Variants in RPH3A observed in about 807,000 individuals in gnomAD.
The protein encoded by RPH3A is rabphilin 3A, also known as rabphilin-3A.
RPH3A carries 48 observed loss-of-function variants against 102.2 expected under a neutral mutation model. The ratio of observed to expected loss-of-function variants is 0.47; its 90% CI spans 0.37 to 0.60. RPH3A has a LOEUF of 0.60. Ranked by LOEUF, RPH3A falls within the 20% of genes least tolerant of loss-of-function variation. RPH3A has a pLI of 0.00. For missense variants in RPH3A, 781 were observed against 910.1 expected, an observed-to-expected ratio of 0.86 and a Z score of 1.83; for synonymous variants, 310 against 324.3, an observed-to-expected ratio of 0.96 and a Z score of 0.47.
intron 19 of RPH3A, chr12:112,893,230 G>T (rs1371227672): frequency 6.6e-6 from 1 of 151,782 alleles, no homozygotes; most frequent in Non-Finnish European, 1.5e-5. Context: ...ATCAAATAAA[G>T]ATTTTTTAAA....
At chr12:112,869,522 A>G in intron 8 of RPH3A, 1 of 522,030 alleles carries the variant, frequency 1.9e-6, no homozygotes, top group Non-Finnish European at 3.4e-6. Flanking sequence ...AGAAGGCTGT[A>G]TAGCATAATT....
chr12:112,763,367 G>A (rs1310046985), intron 1 of RPH3A, among the ~76,000 whole-genome samples: 1 of 152,240 alleles, frequency 6.6e-6, no homozygotes, highest in East Asian at 1.9e-4. Flanking sequence ...GAGAACATGT[G>A]CCCAAGGTGT....
At chr12:112,840,165 G>A (rs7315593) in intron 4 of RPH3A, among the ~76,000 whole-genome samples, 8 of 151,808 alleles carry the variant, frequency 5.3e-5, no homozygotes, top group Admixed American at 4.6e-4. Flanking sequence ...AATGTTTGTC[G>A]CTTTTTTTCT....
intron 1 of RPH3A, among the ~76,000 whole-genome samples, chr12:112,579,183 G>T (rs1158437715): frequency 1.3e-5 from 2 of 152,076 alleles, no homozygotes; most frequent in Non-Finnish European, 2.9e-5. Context: ...GATCTGATTG[G>T]TTGGATTTAC....
chr12:112,842,236 G>C (rs756968174), intron 4 of RPH3A, among the ~76,000 whole-genome samples: 1 of 152,158 alleles, frequency 6.6e-6, no homozygotes, highest in African/African-American at 2.4e-5. Flanking sequence ...TGCCACTGTG[G>C]CAAGGATTTG....
chr12:112,834,738 C>T (rs2042021540), intron 3 of RPH3A, among the ~76,000 whole-genome samples: 1 of 152,006 alleles, frequency 6.6e-6, no homozygotes, highest in Admixed American at 6.6e-5. Flanking sequence ...ATTCGTGTAA[C>T]TTTTTGTTGA....
chr12:112,699,512 G>A (rs1175236092), intron 1 of RPH3A, among the ~76,000 whole-genome samples: 1 of 152,210 alleles, frequency 6.6e-6, no homozygotes, highest in African/African-American at 2.4e-5. Flanking sequence ...ATTATGTTGA[G>A]CAAAAGCAGC....
At chr12:112,656,049 C>G (rs2040009298) in intron 1 of RPH3A, among the ~76,000 whole-genome samples, 1 of 152,156 alleles carries the variant, frequency 6.6e-6, no homozygotes, top group Non-Finnish European at 1.5e-5. Flanking sequence ...TGGCCTCTTA[C>G]TGGTAACATT....
At chr12:112,880,187 A>G (rs1199503729) in intron 14 of RPH3A, among the ~76,000 whole-genome samples, 1 of 152,164 alleles carries the variant, frequency 6.6e-6, no homozygotes, top group Non-Finnish European at 1.5e-5. Flanking sequence ...TTTATTGGAC[A>G]TCTATTATGT....
intron 1 of RPH3A, among the ~76,000 whole-genome samples, chr12:112,620,731 T>C (rs1215059138): frequency 6.6e-6 from 1 of 152,186 alleles, no homozygotes; most frequent in Non-Finnish European, 1.5e-5. Context: ...CCCTGCTCCT[T>C]CCGTGGTCTT....
chr12:112,741,391 C>T (rs1209015238), intron 1 of RPH3A, among the ~76,000 whole-genome samples: 9 of 152,216 alleles, frequency 5.9e-5, no homozygotes, highest in Non-Finnish European at 1.3e-4. Context: ...ACCCATCAAT[C>T]TCCAGACTCC....
At chr12:112,853,820 T>G (rs1236882278) in intron 5 of RPH3A, among the ~76,000 whole-genome samples, 1 of 151,238 alleles carries the variant, frequency 6.6e-6, no homozygotes, top group African/African-American at 2.4e-5. Context: ...AGAGCAAGAC[T>G]GTCTAGAAAA....
At chr12:112,710,714 A>G (rs1239992073) in intron 1 of RPH3A, among the ~76,000 whole-genome samples, 1 of 152,238 alleles carries the variant, frequency 6.6e-6, no homozygotes, top group Non-Finnish European at 1.5e-5. Context: ...GAAGATATGT[A>G]AAGAAGTCAT....
At chr12:112,636,825 C>T (rs2039852097) in intron 1 of RPH3A, among the ~76,000 whole-genome samples, 1 of 152,138 alleles carries the variant, frequency 6.6e-6, no homozygotes, top group Non-Finnish European at 1.5e-5. Flanking sequence ...AGACTTTCTC[C>T]CATAAAGACC....
chr12:112,822,336 C>T (rs2041795765), intron 2 of RPH3A, among the ~76,000 whole-genome samples: 1 of 152,224 alleles, frequency 6.6e-6, no homozygotes, highest in South Asian at 2.1e-4. Context: ...CCCTGCAGTG[C>T]CCTGAAGTGC....
chr12:112,609,396 G>T (rs112585151), intron 1 of RPH3A, among the ~76,000 whole-genome samples: 3 of 152,324 alleles, frequency 2.0e-5, no homozygotes, highest in African/African-American at 7.2e-5. Flanking sequence ...CTCTGCTCCA[G>T]TTGAGTCTTA....
intron 2 of RPH3A, 39 bp from the exon 3 acceptor site, chr12:112,828,262 A>G: frequency 7.1e-7 from 1 of 1,411,828 alleles, no homozygotes; most frequent in Non-Finnish European, 1.0e-6. Flanking sequence ...GAGTGGCTGA[A>G]TGATGGGGTG....
intron 1 of RPH3A, among the ~76,000 whole-genome samples, chr12:112,739,462 C>A (rs1170288440): frequency 6.6e-6 from 1 of 152,110 alleles, no homozygotes; most frequent in Non-Finnish European, 1.5e-5. Flanking sequence ...AAACTCATGC[C>A]CTTATGCCTG....
At chr12:112,758,947 AT>A (rs2040837324) in intron 1 of RPH3A, among the ~76,000 whole-genome samples, 1 of 152,192 alleles carries the variant, frequency 6.6e-6, no homozygotes, top group African/African-American at 2.4e-5. Context: ...TCATGAATAA[AT>A]CCTCTTAATA....
Sources: allele counts gnomAD v4.1 joint callset (sites outside exome capture counted in the v4.1 genomes callset), GRCh38; gene constraint gnomAD v4.1.1; transcripts MANE v1.5; gene names NCBI Gene and HGNC (gene_info 2026-07-23, HGNC 2026-07-21).